Variants in POLR3C observed in about 807,000 individuals in gnomAD.
The protein encoded by POLR3C is DNA-directed RNA polymerase III subunit RPC3.
Under a neutral mutation model 65.9 loss-of-function variants are expected in POLR3C, and 44 were observed. The ratio of observed to expected loss-of-function variants is 0.67; its 90% CI spans 0.52 to 0.86. The LOEUF (loss-of-function observed/expected upper bound fraction) is 0.86, where lower values mean the gene tolerates loss of function less well. Among genes scored for constraint, POLR3C ranks in the 40% least tolerant of loss-of-function variants. POLR3C has a pLI of 0.00. For synonymous variants in POLR3C, 263 were observed against 231.6 expected (o/e 1.14, Z -1.23); for missense variants, 576 against 653.2 (o/e 0.88, Z 1.29).
At chr1:145,838,409 C>T (rs587680421) in intron 11 of POLR3C, among the ~76,000 whole-genome samples, 3 of 152,284 alleles carry the variant, frequency 2.0e-5, no homozygotes, top group South Asian at 4.1e-4. Flanking sequence ...TGGCCGGGCA[C>T]GGTGGTTCGC....
At position 145,840,123 on chromosome 1, in the gene POLR3C, C is replaced by G. The variant is rs1048002950; in HGVS notation, c.1331C>G (p.Ala444Gly). The change falls in exon 13 of 15, where the codon GCC (alanine) becomes GGC (glycine). Residue 444 changes from alanine to glycine, a missense_variant. Ala to Gly is a moderately conservative substitution (Grantham distance 60). Coordinates refer to ENST00000334163, the MANE Select transcript of POLR3C (RefSeq NM_006468.8). Reference sequence around the variant, plus strand: ...TGTCTTCTCTTTCCTCAGAGCATAGCCAACTTGATAGAAAGGAGGCAATTT... The same window carrying G: ...TGTCTTCTCTTTCCTCAGAGCATAGGCAACTTGATAGAAAGGAGGCAATTT... ...MLLHRCYKSI[A>G]NLIERRQFET... is the part of the protein sequence containing the mutation. 2 of 1,606,868 alleles carry G rather than the reference C, an allele frequency of 1.2e-6. No homozygotes were observed. Among genetic ancestry groups the G allele is most frequent in the Non-Finnish European group, 1.7e-6 (2 of 1,173,388 alleles).
intron 11 of POLR3C, among the ~76,000 whole-genome samples, chr1:145,838,763 C>T (rs956953060): frequency 1.3e-5 from 2 of 152,042 alleles, no homozygotes; most frequent in Non-Finnish European, 2.9e-5. Flanking sequence ...CTTTTTTTCT[C>T]TTCTCATTTC....
At chr1:145,830,156 G>T (rs587677051) in intron 5 of POLR3C, among the ~76,000 whole-genome samples, 1 of 151,268 alleles carries the variant, frequency 6.6e-6, no homozygotes, top group African/African-American at 2.4e-5. Context: ...GAAGCTCTCC[G>T]TACCTTTCAT....
chr1:145,825,669 C>A, intron 1 of POLR3C, 88 bp from the exon 2 acceptor site: 1 of 720,696 alleles, frequency 1.4e-6, no homozygotes, highest in South Asian at 2.5e-5. Context: ...AAATTGCCCT[C>A]CAGAAAGAAT....
chr1:145,835,635 C>T (rs982874349), intron 7 of POLR3C, among the ~76,000 whole-genome samples: 4 of 151,836 alleles, frequency 2.6e-5, no homozygotes, highest in South Asian at 2.1e-4. Flanking sequence ...AGTGCAGTAG[C>T]GCAATCTCAG....
In POLR3C at chr1:145,840,093, TTGTC is replaced by T. The variant is rs1559153234; in HGVS notation, c.1324-17_1324-14del. 1 of 1,597,558 alleles carries T rather than the reference TTGTC, an allele frequency of 6.3e-7. No individual in the cohort carries two copies. Among genetic ancestry groups the T allele is most frequent in the South Asian group, 1.1e-5 (1 of 90,716 alleles). ...GCTGAAATAGAACTATGTGCATTCC[TTGTC>T]TGTCTTCTCTTTCCTCAGAGCATAG... On this transcript the variant is annotated intron_variant, in intron 12 of 14. Transcript: ENST00000334163.
Position 145,842,369 on chromosome 1 carries a change from AACCATCT to A in POLR3C, c.1555_1561del (p.Thr519SerfsTer11). ...ATGCCAGTGAGATCCAGGTGGACGAAACCATCTTCCTGCTGGAGTCTTACATTGAGTG... is the reference window on the plus strand; with the variant it reads ...ATGCCAGTGAGATCCAGGTGGACGAATCCTGCTGGAGTCTTACATTGAGTG... On this transcript the variant is annotated frameshift_variant, in exon 15 of 15. Coordinates refer to ENST00000334163, the MANE Select transcript of POLR3C (RefSeq NM_006468.8). LOFTEE classifies it high-confidence loss of function. 2 of 1,611,934 alleles carry A rather than the reference AACCATCT, an allele frequency of 1.2e-6. No homozygotes were observed. The highest frequency in any genetic ancestry group is 1.7e-6 in the Non-Finnish European group (2 of 1,178,582).
intron 4 of POLR3C, among the ~76,000 whole-genome samples, chr1:145,827,966 G>A (rs1375784447): frequency 2.7e-5 from 4 of 150,364 alleles, no homozygotes; most frequent in African/African-American, 9.7e-5. Context: ...AACGAGAGAC[G>A]GGATTCATCT....
In POLR3C at chr1:145,838,085, G is replaced by A. The variant is rs139697925; in HGVS notation, c.1100G>A (p.Arg367His). The change falls in exon 11 of 15, where the codon CGT becomes CAT. Residue 367 changes from arginine to histidine, a missense_variant. Physicochemically the swap from Arg to His is conservative, Grantham distance 29 (BLOSUM62 0). Transcript: ENST00000334163. Reference protein sequence around the residue: ...RFGSRCARIFRLVLQKKHIEQ... With the variant: ...RFGSRCARIFHLVLQKKHIEQ... ...GGGTCTCGCTGTGCTAGAATATTCC[G>A]TCTAGTTTTGCAGAAGAAACACATA... The A allele has an allele frequency of 2.0e-3, 3,189 of 1,614,014 alleles. 5 individuals carry two copies. The highest frequency in any genetic ancestry group is 2.4e-3 in the Non-Finnish European group (2,886 of 1,179,868).
Position 145,843,334 on chromosome 1 carries a change from A to G in POLR3C, c.*914A>G, listed in dbSNP as rs1031811326. Among the ~76,000 whole-genome samples the G allele has an allele frequency of 3.3e-5, 5 of 152,122 alleles. No individual in the cohort carries two copies. The highest frequency in any genetic ancestry group is 1.2e-4 in the African/African-American group (5 of 41,414). On this transcript the variant is annotated 3_prime_UTR_variant, in exon 15 of 15. Transcript: ENST00000334163. ...AATTCTCTCTCTCAGTATCACGGATATAATTTGTCCCAGCAGCTTTAATTC... is the reference window on the plus strand; with the variant it reads ...AATTCTCTCTCTCAGTATCACGGATGTAATTTGTCCCAGCAGCTTTAATTC...
At position 145,826,040 on chromosome 1, in the gene POLR3C, G is replaced by A. The variant is rs113330413; in HGVS notation, c.147+117G>A. The A allele has an allele frequency of 1.8e-4, 144 of 782,376 alleles. 3 individuals are homozygous for A. The highest frequency in any genetic ancestry group is 1.7e-3 in the African/African-American group (101 of 57,892). 48.5% of individuals were successfully genotyped at this position (782,376 alleles called of 1,614,324 possible). A position where few individuals can be genotyped will look rare whatever the true frequency, so the allele number is the denominator to read the frequency against. On this transcript the variant is annotated intron_variant, in intron 2 of 14. Coordinates refer to ENST00000334163, the MANE Select transcript of POLR3C (RefSeq NM_006468.8). ...AAAATGAAGAAAGCCTGCCCTTGGA[G>A]CAGAACAATGTTATTTCGGGGAGAA... is the stretch of plus-strand genomic sequence containing the variant.
At chr1:145,824,442 T>C in intron 1 of POLR3C, 73 bp downstream of exon 1, 1 of 753,062 alleles carries the variant, frequency 1.3e-6, no homozygotes, top group Non-Finnish European at 2.0e-6. Context: ...CGGGAACCTG[T>C]GTAAAGGAAG....
chr1:145,837,981 A>C (rs1553729228), intron 10 of POLR3C, 75 bp from the exon 11 acceptor site: 137 of 1,357,780 alleles, frequency 1.0e-4, no homozygotes, highest in Non-Finnish European at 3.1e-6. Context: ...GGAATAGAAC[A>C]ACCACCCCAT....
Position 145,842,400 on chromosome 1 carries a change from T to C in POLR3C, c.1585T>C (p.Cys529Arg), listed in dbSNP as rs782692662. The change falls in exon 15 of 15, where the codon TGC (cysteine) becomes CGC (arginine). Residue 529 changes from cysteine (C) to arginine (R), a missense_variant. Transcript: ENST00000334163. ...TIFLLESYIECTMKRQ is the reference protein window; with the variant it reads ...TIFLLESYIERTMKRQ ...CTTCCTGCTGGAGTCTTACATTGAGTGCACCATGAAGAGACAGTGATCCAG... is the reference window on the plus strand; with the variant it reads ...CTTCCTGCTGGAGTCTTACATTGAGCGCACCATGAAGAGACAGTGATCCAG... The C allele has an allele frequency of 1.9e-6, 3 of 1,608,860 alleles. No homozygotes were observed. The highest frequency in any genetic ancestry group is 1.7e-6 in the Non-Finnish European group (2 of 1,175,834).
Position 145,838,113 on chromosome 1 carries a change from GC to G in POLR3C, c.1129del (p.Gln377ArgfsTer9), listed in dbSNP as rs782466135. ...TAGTTTTGCAGAAGAAACACATAGA[GC>G]AGAAGCAAGTGGAAGACTTTGCAAT... ...RLVLQKKHIE[Q>X]KQVEDFAMIP... On this transcript the variant is annotated frameshift_variant, in exon 11 of 15. Coordinates refer to ENST00000334163, the MANE Select transcript of POLR3C (RefSeq NM_006468.8). LOFTEE classifies it high-confidence loss of function. The G allele has an allele frequency of 1.9e-6, 3 of 1,613,608 alleles. No individual in the cohort carries two copies. The Admixed American group carries it at 5.0e-5, about 27-fold the overall frequency.
chr1:145,831,592 G>T lies in POLR3C; in HGVS notation c.679-1668G>T, dbSNP rs797043219. On this transcript the variant is annotated intron_variant, in intron 5 of 14. Transcript: ENST00000334163. ...TGCATCAATAGTTGAAGCCTGGAGA[G>T]CAGATAAAATTACCCAAGTAGAGCA... Among the ~76,000 whole-genome samples, 15 of 151,948 alleles carry T rather than the reference G, an allele frequency of 9.9e-5. 1 individual carries two copies. The highest frequency in any genetic ancestry group is 3.4e-4 in the African/African-American group (14 of 41,436).
At position 145,838,695 on chromosome 1, in the gene POLR3C, AAAAAAAC is replaced by A. The variant is rs1320853295; in HGVS notation, c.1221+503_1221+509del. ...GAGTGAGACTCTGTCTCAAAAAACA[AAAAAAAC>A]AAAAAACAAAAAAGAGGCAGAGCCA... On this transcript the variant is annotated intron_variant, in intron 11 of 14. Coordinates refer to ENST00000334163, the MANE Select transcript of POLR3C (RefSeq NM_006468.8). Among the ~76,000 whole-genome samples, 7 of 151,700 alleles carry A rather than the reference AAAAAAAC, an allele frequency of 4.6e-5. No homozygotes were observed. In the East Asian group the frequency reaches 9.7e-4, roughly 21 times the overall value.
rs190401632 is a variant in POLR3C, at chr1:145,826,678, A to G, written c.372A>G (p.Lys124=). 3.7e-6 allele frequency: 6 copies of G among 1,614,214 alleles called. No individual in the cohort carries two copies. The African/African-American group carries it at 4.0e-5, about 11-fold the overall frequency. ...TGACAATGTCAGCTGTTGTGAAGAAAGTGGCAGACCGGCTCACAGAGACCA... is the reference window on the plus strand; with the variant it reads ...TGACAATGTCAGCTGTTGTGAAGAAGGTGGCAGACCGGCTCACAGAGACCA... ...GKLTMSAVVK[K]VADRLTETME... The change falls in exon 3 of 15, where the codon AAA becomes AAG. Residue 124 remains lysine, a synonymous_variant. Coordinates refer to ENST00000334163, the MANE Select transcript of POLR3C (RefSeq NM_006468.8).
intron 7 of POLR3C, among the ~76,000 whole-genome samples, chr1:145,835,332 C>T (rs1374944968): frequency 6.6e-6 from 1 of 150,880 alleles, no homozygotes; most frequent in Non-Finnish European, 1.5e-5. Context: ...GTAATCCCAG[C>T]TACTTGGGAG....
Sources: gnomAD v4.1 joint callset for allele counts (sites outside exome capture counted in the v4.1 genomes callset) on GRCh38, gnomAD v4.1.1 for gene constraint, MANE v1.5 for transcripts, NCBI Gene and HGNC (gene_info 2026-07-23, HGNC 2026-07-21) for gene names.